KIAA1217: variants seen among roughly 807,000 people sequenced by gnomAD.
KIAA1217 encodes KIAA1217, also known as sickle tail protein homolog.
In KIAA1217, 88 loss-of-function variants were observed where a neutral mutation model predicts 163.9. The observed-to-expected ratio is 0.54, with a 90% CI of 0.45 to 0.64. The LOEUF is 0.64. Among genes scored for constraint, KIAA1217 ranks in the 30% least tolerant of loss-of-function variants. The pLI is 0.00. For synonymous variants in KIAA1217, 903 were observed against 923.1 expected (o/e 0.98, Z 0.39); for missense variants, 2,372 against 2,475.0 (o/e 0.96, Z 0.88).
At chr10:24,207,537 T>C (rs985683549), upstream of KIAA1217, among the ~76,000 whole-genome samples, 2 of 152,174 alleles carry the variant, frequency 1.3e-5, no homozygotes, top group Admixed American at 6.5e-5. Flanking sequence ...TAAGATTAGT[T>C]CCTCCTTAAA....
chr10:24,468,869 C>T (rs935248426), intron 5 of KIAA1217, among the ~76,000 whole-genome samples: 5 of 152,178 alleles, frequency 3.3e-5, no homozygotes, highest in African/African-American at 1.2e-4. Flanking sequence ...TCTATACATA[C>T]CACTAGTAAA....
chr10:24,283,207 G>A (rs2078157011), intron 2 of KIAA1217, among the ~76,000 whole-genome samples: 1 of 152,114 alleles, frequency 6.6e-6, no homozygotes, highest in African/African-American at 2.4e-5. Context: ...ACCATGCATA[G>A]ACACATATCT....
At chr10:24,484,943 A>G (rs1013503230) in intron 6 of KIAA1217, among the ~76,000 whole-genome samples, 1 of 152,120 alleles carries the variant, frequency 6.6e-6, no homozygotes, top group Admixed American at 6.5e-5. Flanking sequence ...GAATTGTGAA[A>G]TAGATTAAAG....
chr10:24,252,404 C>A (rs1229153311), intron 2 of KIAA1217, among the ~76,000 whole-genome samples: 1 of 151,780 alleles, frequency 6.6e-6, no homozygotes, highest in East Asian at 1.9e-4. Flanking sequence ...ATTGTGAGAG[C>A]CTGTCCCTAC....
chr10:24,494,855 G>C (rs938351844), intron 7 of KIAA1217: 1 of 573,428 alleles, frequency 1.7e-6, no homozygotes, highest in Non-Finnish European at 3.1e-6. Flanking sequence ...CCCAGTGCAT[G>C]TGGCTTCATG....
chr10:24,018,403 T>C (rs12258649), intron 2 of KIAA1217, among the ~76,000 whole-genome samples: 15,732 of 151,970 alleles, frequency 0.1, 943 homozygotes, highest in African/African-American at 0.17. Context: ...TAGACTTAGC[T>C]GAAGAGAGGA....
intron 2 of KIAA1217, among the ~76,000 whole-genome samples, chr10:24,122,384 A>T (rs1387350761): frequency 6.6e-6 from 1 of 151,912 alleles, no homozygotes; most frequent in Non-Finnish European, 1.5e-5. Context: ...CATTTTCTTT[A>T]TCCAGTCCAC....
chr10:23,735,184 T>C (rs902036766), intron 1 of KIAA1217, among the ~76,000 whole-genome samples: 4 of 152,214 alleles, frequency 2.6e-5, no homozygotes, highest in African/African-American at 7.2e-5. Context: ...AGGGTAATTA[T>C]AGAGTATTCA....
intron 2 of KIAA1217, among the ~76,000 whole-genome samples, chr10:24,077,330 C>G (rs773565499): frequency 2.0e-5 from 3 of 152,176 alleles, no homozygotes; most frequent in Non-Finnish European, 4.4e-5. Flanking sequence ...CTGATGCTCT[C>G]CCTCCTCCCA....
At chr10:24,235,452 T>C (rs1183265828) in intron 2 of KIAA1217, among the ~76,000 whole-genome samples, 4 of 152,248 alleles carry the variant, frequency 2.6e-5, no homozygotes, top group African/African-American at 9.6e-5. Context: ...TCTTATCTTT[T>C]GGTGATACTT....
chr10:24,391,171 C>T (rs1390983129), intron 3 of KIAA1217, among the ~76,000 whole-genome samples: 1 of 151,894 alleles, frequency 6.6e-6, no homozygotes, highest in Non-Finnish European at 1.5e-5. Flanking sequence ...AAAAGCATGG[C>T]CTGAAGTGAG....
chr10:24,289,460 A>G (rs2078880636), intron 2 of KIAA1217, among the ~76,000 whole-genome samples: 1 of 152,092 alleles, frequency 6.6e-6, no homozygotes, highest in Admixed American at 6.6e-5. Context: ...AGGAGGAGGG[A>G]TGGAAATATT....
intron 1 of KIAA1217, among the ~76,000 whole-genome samples, chr10:23,818,340 A>G (rs899313343): frequency 8.7e-6 from 1 of 115,474 alleles, no homozygotes; most frequent in African/African-American, 4.0e-5. Flanking sequence ...TTTTATATAT[A>G]TATATAAAAA....
chr10:23,830,522 C>A lies in KIAA1217; in HGVS notation c.-321+135288C>A, dbSNP rs183754779. Among the ~76,000 whole-genome samples the A allele has an allele frequency of 4.0e-3, 615 of 152,214 alleles. 4 individuals are homozygous for A. Among genetic ancestry groups the A allele is most frequent in the African/African-American group, 0.014 (569 of 41,556 alleles). On this transcript the variant is annotated intron_variant, in intron 1 of 18. Transcript: ENST00000376462. ...CCTTCTGTCTCTCTGAACTGCCTTT[C>A]TTAGCTCCTAGCTTCAGTAGTTGAT...
At chr10:24,324,179 G>GA (rs2044563377) in intron 2 of KIAA1217, among the ~76,000 whole-genome samples, 1 of 152,072 alleles carries the variant, frequency 6.6e-6, no homozygotes, top group Admixed American at 6.5e-5. Flanking sequence ...GAGACAGGAG[G>GA]ATTGCTTGAG....
At chr10:24,059,092 G>T (rs890655285) in intron 2 of KIAA1217, among the ~76,000 whole-genome samples, 3 of 152,060 alleles carry the variant, frequency 2.0e-5, no homozygotes, top group Admixed American at 6.5e-5. Context: ...TATCATGAAG[G>T]TTTCAATTTT....
At chr10:24,290,458 C>T (rs955747855) in intron 2 of KIAA1217, among the ~76,000 whole-genome samples, 1 of 151,874 alleles carries the variant, frequency 6.6e-6, no homozygotes, top group Non-Finnish European at 1.5e-5. Flanking sequence ...AAAATTGTAT[C>T]TGCAAACATT....
chr10:24,029,349 C>T (rs1329902976), intron 2 of KIAA1217, among the ~76,000 whole-genome samples: 2 of 152,116 alleles, frequency 1.3e-5, no homozygotes, highest in African/African-American at 4.8e-5. Flanking sequence ...AGCCTGCAGA[C>T]ATATGAGAGG....
At chr10:24,353,126 G>A (rs1029817779) in intron 2 of KIAA1217, among the ~76,000 whole-genome samples, 3 of 152,070 alleles carry the variant, frequency 2.0e-5, no homozygotes, top group African/African-American at 4.8e-5. Flanking sequence ...ACAAGCCAGG[G>A]GCACTCATAT....
Sources: gnomAD v4.1 joint callset for allele counts (sites outside exome capture counted in the v4.1 genomes callset) on GRCh38, gnomAD v4.1.1 for gene constraint, MANE v1.5 for transcripts, NCBI Gene and HGNC (gene_info 2026-07-23, HGNC 2026-07-21) for gene names.